Variants in PCDH15 observed in about 807,000 individuals in gnomAD.
The protein encoded by PCDH15 is protocadherin-15.
In PCDH15, 129 loss-of-function variants were observed where a neutral mutation model predicts 178.5. The ratio of observed to expected loss-of-function variants is 0.72; its 90% CI spans 0.63 to 0.84. PCDH15 has a LOEUF of 0.84. Among genes scored for constraint, PCDH15 ranks in the 40% least tolerant of loss-of-function variants. The pLI, the probability that PCDH15 is intolerant of heterozygous loss-of-function variation, is 0.00. For synonymous variants in PCDH15, 800 were observed against 732.0 expected, an observed-to-expected ratio of 1.09 and a Z score of -1.50; for missense variants, 2,230 against 2,099.9, an observed-to-expected ratio of 1.06 and a Z score of -1.21.
At chr10:54,218,067 T>C (rs2052311738) in intron 9 of PCDH15, among the ~76,000 whole-genome samples, 1 of 152,198 alleles carries the variant, frequency 6.6e-6, no homozygotes, top group Non-Finnish European at 1.5e-5. Flanking sequence ...TGGAGCATGC[T>C]AGAGAAATAT....
chr10:53,946,509 C>T (rs752436340), intron 23 of PCDH15, among the ~76,000 whole-genome samples: 37 of 152,150 alleles, frequency 2.4e-4, no homozygotes, highest in Non-Finnish European at 4.7e-4. Context: ...GGACTGGCCT[C>T]TTTCCTTATC....
At chr10:54,804,948 T>TATATATATATATATATATATACAC (rs905516559), upstream of PCDH15, among the ~76,000 whole-genome samples, 6 of 127,240 alleles carry the variant, frequency 4.7e-5, no homozygotes, top group South Asian at 2.5e-4. Context: ...TATATATATA[T>TATATATATATATATATATATACAC]ACAGAGTTTG....
chr10:54,260,798 A>G (rs534970221), intron 8 of PCDH15, among the ~76,000 whole-genome samples: 1 of 152,098 alleles, frequency 6.6e-6, no homozygotes, highest in South Asian at 2.1e-4. Flanking sequence ...ACCTCTGGCT[A>G]ATTTTTGTAT....
chr10:54,749,259 A>G (rs937430285), intron 1 of PCDH15, among the ~76,000 whole-genome samples: 1 of 152,226 alleles, frequency 6.6e-6, no homozygotes. Context: ...GTGAACATAT[A>G]TTTAAACATG....
At chr10:54,467,520 C>G (rs766720579) in intron 3 of PCDH15, among the ~76,000 whole-genome samples, 1 of 119,518 alleles carries the variant, frequency 8.4e-6, no homozygotes, top group Non-Finnish European at 1.8e-5. Context: ...GGTGCATTAT[C>G]TTTTGTTACT....
intron 3 of PCDH15, among the ~76,000 whole-genome samples, chr10:54,390,572 G>A (rs1314684185): frequency 6.6e-6 from 1 of 152,198 alleles, no homozygotes; most frequent in Non-Finnish European, 1.5e-5. Context: ...TGGGATTACA[G>A]GCGTGAGCCA....
At chr10:54,729,996 G>A (rs982300922) in intron 1 of PCDH15, among the ~76,000 whole-genome samples, 2 of 151,338 alleles carry the variant, frequency 1.3e-5, no homozygotes, top group African/African-American at 2.4e-5. Flanking sequence ...TTGGAGATTT[G>A]TCAAAGAACT....
chr10:55,441,390 T>C (rs1423420621), intron 2 of PCDH15, among the ~76,000 whole-genome samples: 1 of 152,150 alleles, frequency 6.6e-6, no homozygotes, highest in Non-Finnish European at 1.5e-5. Context: ...ATATTTTAAA[T>C]TGAGAGATTG....
chr10:54,028,470 T>C (rs1443618779), intron 18 of PCDH15, among the ~76,000 whole-genome samples: 1 of 151,990 alleles, frequency 6.6e-6, no homozygotes, highest in Non-Finnish European at 1.5e-5. Context: ...ATCATGCTGC[T>C]ATAAAGACAC....
intron 2 of PCDH15, among the ~76,000 whole-genome samples, chr10:55,029,245 G>T (rs183560953): frequency 6.6e-5 from 10 of 151,962 alleles, no homozygotes; most frequent in Non-Finnish European, 1.3e-4. Flanking sequence ...ATGTTAGGTT[G>T]TTCCCTTTAC....
intron 2 of PCDH15, among the ~76,000 whole-genome samples, chr10:55,386,925 C>T (rs1230320672): frequency 6.6e-6 from 1 of 151,960 alleles, no homozygotes; most frequent in Non-Finnish European, 1.5e-5. Flanking sequence ...TTTATTTCCT[C>T]ACTGGTGTAA....
At chr10:54,034,719 C>T (rs10825196) in intron 18 of PCDH15, among the ~76,000 whole-genome samples, 93,426 of 151,608 alleles carry the variant, frequency 0.62, 30,833 homozygotes, top group Non-Finnish European at 0.74. Flanking sequence ...CAGCTGCCTT[C>T]CTTCAGATAT....
chr10:53,995,265 T>G (rs979630539), intron 21 of PCDH15: 2 of 194,300 alleles, frequency 1.0e-5, no homozygotes, highest in Non-Finnish European at 2.1e-5. Context: ...ATAAGTTTCA[T>G]GTGATATGTT....
At chr10:55,041,619 T>C (rs1840865071) in intron 2 of PCDH15, among the ~76,000 whole-genome samples, 1 of 152,128 alleles carries the variant, frequency 6.6e-6, no homozygotes, top group Admixed American at 6.6e-5. Context: ...CTATTCTAAA[T>C]AGGACAGCAA....
chr10:55,072,023 GA>G (rs1841760121), intron 2 of PCDH15, among the ~76,000 whole-genome samples: 1 of 152,098 alleles, frequency 6.6e-6, no homozygotes, highest in South Asian at 2.1e-4. Flanking sequence ...AATGAAGGCA[GA>G]AATAAAGATG....
chr10:53,997,036 T>C (rs2091889023), intron 20 of PCDH15, among the ~76,000 whole-genome samples: 1 of 152,180 alleles, frequency 6.6e-6, no homozygotes, highest in Non-Finnish European at 1.5e-5. Flanking sequence ...TATTTCTTAC[T>C]ATCAAACAAT....
intron 1 of PCDH15, among the ~76,000 whole-genome samples, chr10:55,236,320 A>G (rs912631679): frequency 4.6e-5 from 7 of 152,206 alleles, no homozygotes; most frequent in African/African-American, 1.4e-4. Flanking sequence ...ATTAGAAGGA[A>G]CATTAGAATA....
chr10:55,602,818 A>G (rs1020247743), intron 2 of PCDH15, among the ~76,000 whole-genome samples: 2 of 152,194 alleles, frequency 1.3e-5, no homozygotes, highest in Non-Finnish European at 2.9e-5. Context: ...GGAAACTCTA[A>G]AAAGCAGAGT....
intron 2 of PCDH15, among the ~76,000 whole-genome samples, chr10:55,418,427 T>A (rs1838537207): frequency 6.6e-6 from 1 of 151,688 alleles, no homozygotes; most frequent in Admixed American, 6.6e-5. Context: ...CAAAATAATG[T>A]CTAAAACGTG....
Sources: gnomAD v4.1 joint callset for allele counts (sites outside exome capture counted in the v4.1 genomes callset) on GRCh38, gnomAD v4.1.1 for gene constraint, MANE v1.5 for transcripts, NCBI Gene and HGNC (gene_info 2026-07-23, HGNC 2026-07-21) for gene names.